The following FREM1 variants were observed in gnomAD, a reference collection of about 807,000 sequenced individuals.
FREM1 encodes FRAS1-related extracellular matrix protein 1.
Under a neutral mutation model 210.1 loss-of-function variants are expected in FREM1, and 220 were observed. That is an observed-to-expected ratio of 1.05 (90% confidence interval 0.94 to 1.17). The LOEUF (loss-of-function observed/expected upper bound fraction) is 1.17. Ranked by LOEUF, FREM1 falls within the 50% of genes most tolerant of loss-of-function variation. FREM1 has a pLI of 0.00. For missense variants in FREM1, 3,454 were observed against 2,675.5 expected (o/e 1.29, Z -6.42); for synonymous variants, 1,189 against 980.2 (o/e 1.21, Z -3.98).
At position 14,812,975 on chromosome 9, in the gene FREM1, G is replaced by T. The variant is rs368462528; in HGVS notation, c.2730C>A (p.Thr910=). ...NCSEGGEVVI[T]SEYIFATDVD... ...CATCAGTAGCAAAAATGTATTCAGA[G>T]GTGATGACCACCTCTCCTCCCTCTG... The change falls in exon 16 of 37, where the codon ACC becomes ACA. Residue 910 remains threonine (T), a synonymous_variant. Coordinates refer to ENST00000380880, the MANE Select transcript of FREM1 (RefSeq NM_001379081.2). The T allele has an allele frequency of 3.0e-5, 48 of 1,613,808 alleles. No individual in the cohort carries two copies. The highest frequency in any genetic ancestry group is 4.0e-5 in the Non-Finnish European group (47 of 1,179,868).
chr9:14,892,855 T>TC (rs1360229459), intron 1 of FREM1, among the ~76,000 whole-genome samples: 8 of 152,112 alleles, frequency 5.3e-5, no homozygotes, highest in Admixed American at 3.3e-4. Context: ...CCTTTCCTTT[T>TC]CCCGTCTTTA....
intron 29 of FREM1, chr9:14,751,829 T>A (rs2132087084): frequency 6.6e-6 from 1 of 152,104 alleles, no homozygotes; most frequent in East Asian, 1.9e-4. Flanking sequence ...GGTGAAGCTA[T>A]CCACTTCTTC....
chr9:14,843,959 A>T (rs1176616153), intron 8 of FREM1, among the ~76,000 whole-genome samples: 1 of 152,240 alleles, frequency 6.6e-6, no homozygotes, highest in Non-Finnish European at 1.5e-5. Flanking sequence ...TAGATAAATC[A>T]GTTGTTCTAA....
At chr9:14,822,082 T>A (rs943633465) in intron 13 of FREM1, among the ~76,000 whole-genome samples, 1 of 152,124 alleles carries the variant, frequency 6.6e-6, no homozygotes, top group African/African-American at 2.4e-5. Flanking sequence ...GTTTTATAAA[T>A]GAGAGTTCCC....
Position 14,806,706 on chromosome 9 carries a change from G to A in FREM1, c.3229C>T (p.Leu1077Phe), listed in dbSNP as rs945225257. ...CTTTTTTCAAAACCCACAGAAGGGA[G>A]TATATTTTCGAGGTAGCCAAACTGA... ...PPQFGYLENI[L>F]PSVGFEKSNI... Residue 1077 changes from leucine (L) to phenylalanine (F), a missense_variant, in exon 18 of 37, where the codon CTC becomes TTC. By Grantham distance (22) the Leu-to-Phe change is conservative (BLOSUM62 0). Transcript: ENST00000380880. 6.2e-7 allele frequency: 1 copy of A among 1,603,222 alleles called. No individual in the cohort carries two copies. Among genetic ancestry groups the A allele is most frequent in the Non-Finnish European group, 8.5e-7 (1 of 1,174,552 alleles).
Position 14,841,513 on chromosome 9 carries a change from G to C in FREM1, c.1815C>G (p.Ile605Met), listed in dbSNP as rs763439818. The change falls in exon 10 of 37, where the codon ATC (isoleucine) becomes ATG (methionine). Residue 605 changes from isoleucine to methionine, a missense_variant. Physicochemically the swap from Ile to Met is conservative, Grantham distance 10. Transcript: ENST00000380880. Reference protein sequence around the residue: ...IIYYRHFGGEIFEDSFQFVLW... With the variant: ...IIYYRHFGGEMFEDSFQFVLW... ...GGACAAATTGAAAAGAATCTTCAAA[G>C]ATTTCTCCACCAAAATGACGATAAT... 7 of 1,612,420 alleles carry C rather than the reference G, an allele frequency of 4.3e-6. No homozygotes were observed. The highest frequency in any genetic ancestry group is 5.1e-6 in the Non-Finnish European group (6 of 1,178,818).
At chr9:14,763,581 A>G (rs1845885449) in intron 27 of FREM1, among the ~76,000 whole-genome samples, 1 of 152,192 alleles carries the variant, frequency 6.6e-6, no homozygotes, top group Non-Finnish European at 1.5e-5. Context: ...CATGGCATGG[A>G]GCAGTGGAAA....
At chr9:14,767,394 G>T (rs1846630934) in intron 27 of FREM1, among the ~76,000 whole-genome samples, 1 of 152,076 alleles carries the variant, frequency 6.6e-6, no homozygotes, top group South Asian at 2.1e-4. Flanking sequence ...CCTTAAAATG[G>T]GCAAGAAGTT....
At position 14,836,340 on chromosome 9, in the gene FREM1, A is replaced by G. The variant is rs903116818; in HGVS notation, c.1881+5107T>C. 6.6e-6 allele frequency among the ~76,000 whole-genome samples: 1 copy of G among 152,240 alleles called. No individual in the cohort carries two copies. Among genetic ancestry groups the G allele is most frequent in the African/African-American group, 2.4e-5 (1 of 41,476 alleles). Reference sequence around the variant, plus strand: ...TATAACTGGGATAATAGTTACTGACAAAAAGAAAGCGTAAAAGTTTTACTA... The same window carrying G: ...TATAACTGGGATAATAGTTACTGACGAAAAGAAAGCGTAAAAGTTTTACTA... On this transcript the variant is annotated intron_variant, in intron 10 of 36. Transcript: ENST00000380880. The surrounding 1 kb of genome is among the most constrained non-coding windows in gnomAD (Gnocchi z 4.9).
chr9:14,777,863 T>C (rs1848894044), intron 24 of FREM1, among the ~76,000 whole-genome samples: 1 of 152,104 alleles, frequency 6.6e-6, no homozygotes, highest in African/African-American at 2.4e-5. Context: ...GGAGGGCAGT[T>C]AGACAAAAAG....
intron 1 of FREM1, among the ~76,000 whole-genome samples, chr9:14,886,549 T>C (rs1264240152): frequency 1.3e-5 from 2 of 152,076 alleles, no homozygotes; most frequent in African/African-American, 4.8e-5. Flanking sequence ...TTTTCTGACT[T>C]CTACTCCACA....
At chr9:14,782,960 A>T (rs989340471) in intron 24 of FREM1, among the ~76,000 whole-genome samples, 1 of 152,180 alleles carries the variant, frequency 6.6e-6, no homozygotes, top group South Asian at 2.1e-4. Context: ...TCTTAACTTC[A>T]CTACTCCATC....
chr9:14,770,006 T>C (rs1847238911), intron 26 of FREM1, 138 bp from the exon 27 acceptor site: 1 of 518,584 alleles, frequency 1.9e-6, no homozygotes, highest in Non-Finnish European at 3.3e-6. Flanking sequence ...GAAATTAACA[T>C]TACTGTAACT....
rs1175723148 is a variant in FREM1, at chr9:14,747,440, C to G, written c.5845-12G>C. On this transcript the variant is annotated splice_polypyrimidine_tract_variant and intron_variant, in intron 32 of 36. Transcript: ENST00000380880. ...ACTATCCCATGATACTTGAGGAAAC[C>G]AACAATCAACAACAATAAGGAAAAA... 1 of 1,604,922 alleles carries G rather than the reference C, an allele frequency of 6.2e-7. No homozygotes were observed. The highest frequency in any genetic ancestry group is 2.2e-5 in the East Asian group (1 of 44,678).
chr9:14,905,854 G>A (rs1817602207), intron 1 of FREM1, among the ~76,000 whole-genome samples: 1 of 151,994 alleles, frequency 6.6e-6, no homozygotes, highest in Non-Finnish European at 1.5e-5. Flanking sequence ...TCACGCCACT[G>A]CACTGCAGCA....
At chr9:14,887,081 A>G (rs1295775464) in intron 1 of FREM1, among the ~76,000 whole-genome samples, 2 of 152,168 alleles carry the variant, frequency 1.3e-5, no homozygotes, top group Non-Finnish European at 2.9e-5. Context: ...CATCCAAATC[A>G]CATGTGCCAT....
intron 16 of FREM1, among the ~76,000 whole-genome samples, chr9:14,812,546 G>C (rs1253783089): frequency 6.6e-6 from 1 of 152,128 alleles, no homozygotes; most frequent in African/African-American, 2.4e-5. Context: ...AGAATCATAG[G>C]GTGAATGGAA....
chr9:14,763,855 C>A (rs573351966), intron 27 of FREM1, among the ~76,000 whole-genome samples: 1 of 152,100 alleles, frequency 6.6e-6, no homozygotes, highest in East Asian at 1.9e-4. Context: ...TTGTGATAAC[C>A]CAGGTGTCTT....
chr9:14,787,338 A>C (rs1361987403), intron 23 of FREM1, among the ~76,000 whole-genome samples: 3 of 152,214 alleles, frequency 2.0e-5, no homozygotes. Context: ...ACAAAGAAGA[A>C]AAAATTTGAA....
Sources: allele counts gnomAD v4.1 joint callset (sites outside exome capture counted in the v4.1 genomes callset), GRCh38; gene constraint gnomAD v4.1.1; non-coding constraint Gnocchi (gnomAD v3.1); transcripts MANE v1.5; gene names NCBI Gene and HGNC (gene_info 2026-07-23, HGNC 2026-07-21).